The following PRDM4 variants were observed in gnomAD, a reference collection of about 807,000 sequenced individuals.
The protein encoded by PRDM4 is PR/SET domain 4, also known as PR domain zinc finger protein 4.
Under a neutral mutation model 62.3 loss-of-function variants are expected in PRDM4, and 38 were observed. The observed-to-expected ratio is 0.61, with a 90% confidence interval of 0.47 to 0.80. The LOEUF (loss-of-function observed/expected upper bound fraction) is 0.80. Among genes scored for constraint, PRDM4 ranks in the 30% least tolerant of loss-of-function variants. The pLI, the probability that PRDM4 is intolerant of heterozygous loss-of-function variation, is 0.00. For missense variants in PRDM4, 858 were observed against 997.1 expected, an observed-to-expected ratio of 0.86 and a Z score of 1.88; for synonymous variants, 339 against 348.2, an observed-to-expected ratio of 0.97 and a Z score of 0.30.
At chr12:107,759,550 T>C (rs149445754) in intron 2 of PRDM4, among the ~76,000 whole-genome samples, 1,615 of 152,332 alleles carry the variant, frequency 0.011, 33 homozygotes, top group Admixed American at 0.057. Flanking sequence ...GGTTGACTCC[T>C]AGGCCTTCTC....
intron 4 of PRDM4, 150 bp downstream of exon 4, chr12:107,753,774 C>CTTTGTTT: frequency 1.4e-6 from 1 of 723,278 alleles, no homozygotes; most frequent in Non-Finnish European, 2.1e-6. Context: ...AGGAAAAGTA[C>CTTTGTTT]ATAAATATAA....
intron 11 of PRDM4, chr12:107,736,490 T>A (rs1890332297): frequency 1.3e-5 from 2 of 152,076 alleles, no homozygotes. Flanking sequence ...AGGGTCAGAG[T>A]GGCCAAAGCA....
intron 2 of PRDM4, chr12:107,758,238 C>CTTCT (rs1891121980): frequency 9.8e-6 from 1 of 101,896 alleles, no homozygotes; most frequent in South Asian, 3.2e-4. Context: ...TCTTAATCTT[C>CTTCT]TTTTTTTTTT....
chr12:107,751,456 G>A lies in PRDM4; in HGVS notation c.1085C>T (p.Ser362Phe). The A allele has an allele frequency of 6.2e-7, 1 of 1,612,132 alleles. No homozygotes were observed. Among genetic ancestry groups the A allele is most frequent in the Non-Finnish European group, 8.5e-7 (1 of 1,178,286 alleles). Residue 362 changes from serine (S) to phenylalanine (F), a missense_variant, in exon 5 of 12, where the codon TCC (serine) becomes TTC (phenylalanine). Around this residue, in one of 3 missense-constraint regions of PRDM4, gnomAD observed 499 missense variants for 546.7 expected, o/e 0.91. Coordinates refer to ENST00000228437, the MANE Select transcript of PRDM4 (RefSeq NM_012406.4). ...TGCCATGTTCTCCTTGTTTGAATTG[G>A]AGTCTTCCATTTGCAGTGAAGGTGA... ...FVSPSLQMED[S>F]NSNKENMATL...
chr12:107,740,480 C>T (rs1434520486), intron 10 of PRDM4, among the ~76,000 whole-genome samples: 1 of 151,056 alleles, frequency 6.6e-6, no homozygotes, highest in African/African-American at 2.4e-5. Flanking sequence ...GAGTGAGGCC[C>T]TATCTCAAAA....
At chr12:107,759,064 T>G (rs1363094299) in intron 2 of PRDM4, among the ~76,000 whole-genome samples, 1 of 152,170 alleles carries the variant, frequency 6.6e-6, no homozygotes, top group East Asian at 1.9e-4. Context: ...AGCCCAGGAC[T>G]TGGAGACGTC....
chr12:107,746,082 C>T (rs1890693003), intron 6 of PRDM4, among the ~76,000 whole-genome samples, 193 bp downstream of exon 6: 1 of 152,182 alleles, frequency 6.6e-6, no homozygotes, highest in South Asian at 2.1e-4. Context: ...GGAGAGATTT[C>T]CCAATAAAGT....
intron 3 of PRDM4, among the ~76,000 whole-genome samples, chr12:107,755,442 A>C (rs997965768): frequency 6.6e-6 from 1 of 152,170 alleles, no homozygotes; most frequent in Non-Finnish European, 1.5e-5. Context: ...AAGAGTGTCC[A>C]CTAAAGGGAA....
intron 5 of PRDM4, among the ~76,000 whole-genome samples, chr12:107,750,389 TA>T (rs1240545109): frequency 6.6e-6 from 1 of 151,894 alleles, no homozygotes; most frequent in East Asian, 1.9e-4. Flanking sequence ...ACAAAAAATT[TA>T]AAAATTAGCC....
chr12:107,742,360 C>T lies in PRDM4; in HGVS notation c.1482-12G>A, dbSNP rs540768324. 1.2e-6 allele frequency: 2 copies of T among 1,612,880 alleles called. No individual in the cohort carries two copies. Among genetic ancestry groups the T allele is most frequent in the Admixed American group, 1.7e-5 (1 of 59,910 alleles). On this transcript the variant is annotated splice_polypyrimidine_tract_variant and intron_variant, in intron 8 of 11. Coordinates refer to ENST00000228437, the MANE Select transcript of PRDM4 (RefSeq NM_012406.4). ...GCTCTTCCCGGTTCCTGAGTTATCA[C>T]ATTTAATAGATCAAGCACATTAATT...
chr12:107,760,429 C>G, intron 2 of PRDM4, 76 bp downstream of exon 2: 1 of 1,575,836 alleles, frequency 6.3e-7, no homozygotes. Context: ...CCAAAAACAA[C>G]GGCACTGACC....
chr12:107,753,430 A>T (rs1684961021), intron 4 of PRDM4, among the ~76,000 whole-genome samples: 1 of 152,042 alleles, frequency 6.6e-6, no homozygotes, highest in Admixed American at 6.5e-5. Context: ...CGTGGTCTTA[A>T]TTATGAAAAT....
chr12:107,746,998 T>C (rs1006452599), intron 5 of PRDM4, among the ~76,000 whole-genome samples: 11 of 151,944 alleles, frequency 7.2e-5, no homozygotes, highest in Non-Finnish European at 7.4e-5. Flanking sequence ...TAATGAAAAA[T>C]TGGCTGGGTA....
At chr12:107,740,831 GTTTC>G in intron 10 of PRDM4, 111 bp downstream of exon 10, 1 of 1,109,472 alleles carries the variant, frequency 9.0e-7, no homozygotes, top group Non-Finnish European at 1.3e-6. Flanking sequence ...AACCACGAAG[GTTTC>G]TTTCTCTGAC....
intron 11 of PRDM4, among the ~76,000 whole-genome samples, chr12:107,735,958 C>T (rs984180447): frequency 5.9e-5 from 9 of 152,074 alleles, no homozygotes; most frequent in African/African-American, 2.2e-4. Flanking sequence ...TTCCCTGGAG[C>T]AGTTTTAAAA....
chr12:107,749,781 G>A (rs1890831342), intron 5 of PRDM4, among the ~76,000 whole-genome samples: 1 of 151,960 alleles, frequency 6.6e-6, no homozygotes, highest in African/African-American at 2.4e-5. Flanking sequence ...TTGCAGCAAA[G>A]CCCTACCCCA....
At position 107,739,502 on chromosome 12, in the gene PRDM4, C is replaced by G; in HGVS notation, c.1974G>C (p.Lys658Asn). ...CTLCDKSFTQKAHLESHMVIH... is the reference protein window; with the variant it reads ...CTLCDKSFTQNAHLESHMVIH... Reference sequence around the variant, plus strand: ...TAACCATGTGGGACTCCAGGTGAGCCTTCTGGGTGAAAGACTTGTCACACA... The same window carrying G: ...TAACCATGTGGGACTCCAGGTGAGCGTTCTGGGTGAAAGACTTGTCACACA... The change falls in exon 11 of 12, where the codon AAG becomes AAC. Residue 658 changes from lysine (K) to asparagine (N), a missense_variant. Lys to Asn is a moderately conservative substitution (Grantham distance 94). Coordinates refer to ENST00000228437, the MANE Select transcript of PRDM4 (RefSeq NM_012406.4). The G allele has an allele frequency of 1.2e-6, 2 of 1,613,986 alleles. No individual in the cohort carries two copies. Among genetic ancestry groups the G allele is most frequent in the Non-Finnish European group, 1.7e-6 (2 of 1,179,870 alleles).
chr12:107,754,967 A>T (rs1401042761), intron 3 of PRDM4: 1 of 152,222 alleles, frequency 6.6e-6, no homozygotes, highest in Non-Finnish European at 1.5e-5. Flanking sequence ...TTTAAACGTG[A>T]GATTATATCT....
At chr12:107,734,745 G>T (rs575832851) in intron 11 of PRDM4, among the ~76,000 whole-genome samples, 1 of 152,134 alleles carries the variant, frequency 6.6e-6, no homozygotes, top group Non-Finnish European at 1.5e-5. Context: ...CAAATTCTAT[G>T]TAAATTCTAT....
Sources: gnomAD v4.1 joint callset for allele counts (sites outside exome capture counted in the v4.1 genomes callset) on GRCh38, gnomAD v4.1.1 for gene constraint, gnomAD v4.1.1 regional missense constraint, MANE v1.5 for transcripts, NCBI Gene and HGNC (gene_info 2026-07-23, HGNC 2026-07-21) for gene names.